The following ARL8A variants were observed in gnomAD, a reference collection of about 807,000 sequenced individuals.
ARL8A encodes the protein ADP-ribosylation factor-like protein 8A.
In ARL8A, 10 loss-of-function variants were observed where a neutral mutation model predicts 31.2. The observed-to-expected ratio is 0.32, with a 90% confidence interval of 0.20 to 0.54. The LOEUF (loss-of-function observed/expected upper bound fraction) is 0.54. Ranked by LOEUF, ARL8A falls within the 20% of genes least tolerant of loss-of-function variation. The pLI, the probability that ARL8A is intolerant of heterozygous loss-of-function variation, is 0.93. For synonymous variants in ARL8A, 70 were observed against 86.9 expected, an observed-to-expected ratio of 0.81 and a Z score of 1.08; for missense variants, 129 against 242.8, an observed-to-expected ratio of 0.53 and a Z score of 3.12.
chr1:202,136,663 G>A (rs1004342955), intron 3 of ARL8A, among the ~76,000 whole-genome samples: 5 of 152,062 alleles, frequency 3.3e-5, no homozygotes, highest in African/African-American at 1.2e-4. Flanking sequence ...TCGGCTTCCT[G>A]GACTCAAGAG....
In ARL8A at chr1:202,135,098, A is replaced by C. The variant is rs978514225; in HGVS notation, c.511+52T>G. 5.2e-6 allele frequency: 8 copies of C among 1,548,772 alleles called. No individual in the cohort carries two copies. The Admixed American group carries it at 1.3e-4, about 26-fold the overall frequency. Reference sequence around the variant, plus strand: ...TGGAGCGAGAACCTGAGAGCCACTAAAACACTCAGAAATGCCTCTCCCCTC... The same window carrying C: ...TGGAGCGAGAACCTGAGAGCCACTACAACACTCAGAAATGCCTCTCCCCTC... On this transcript the variant is annotated intron_variant, in intron 6 of 6. Coordinates refer to ENST00000272217, the MANE Select transcript of ARL8A (RefSeq NM_138795.4). This position sits in a 1 kb window ranked among gnomAD's most constrained non-coding sequence, Gnocchi z 5.3.
Position 202,135,852 on chromosome 1 carries a change from T to C in ARL8A, c.279-52A>G, listed in dbSNP as rs753785044. On this transcript the variant is annotated intron_variant, in intron 3 of 6. Transcript: ENST00000272217. The surrounding 1 kb of genome is among the most constrained non-coding windows in gnomAD (Gnocchi z 5.3). The stretch of plus-strand genomic sequence containing the variant: ...AGCATGTTGACACCACAGGCTGAGG[T>C]GGTGCAAGGAAGAGAAGGAGCTGCT... 1.3e-5 allele frequency: 19 copies of C among 1,511,268 alleles called. No homozygotes were observed. Among genetic ancestry groups the C allele is most frequent in the Non-Finnish European group, 1.6e-5 (17 of 1,087,358 alleles). The allele number at this position is 1,511,268 out of a possible 1,614,324, so 93.6% of individuals were successfully genotyped here. A position where few individuals can be genotyped will look rare whatever the true frequency, so the allele number is the denominator to read the frequency against.
chr1:202,141,535 G>A (rs551462486), intron 1 of ARL8A, among the ~76,000 whole-genome samples: 2 of 151,904 alleles, frequency 1.3e-5, no homozygotes, highest in South Asian at 2.1e-4. Context: ...CCAGCTACTC[G>A]GGAGACTGAG....
At position 202,135,235 on chromosome 1, in the gene ARL8A, A is replaced by G; in HGVS notation, c.441-15T>C. 6.2e-7 allele frequency: 1 copy of G among 1,612,362 alleles called. No homozygotes were observed. Among genetic ancestry groups the G allele is most frequent in the Non-Finnish European group, 8.5e-7 (1 of 1,178,434 alleles). On this transcript the variant is annotated splice_polypyrimidine_tract_variant and intron_variant, in intron 5 of 6. Transcript: ENST00000272217. The surrounding 1 kb of genome is among the most constrained non-coding windows in gnomAD (Gnocchi z 5.3). Reference sequence around the variant, plus strand: ...CAGACAGATTCCTGGGGGAAACCAGAGTAGAGTCCGCTGAGGCTACGAACG... The same window carrying G: ...CAGACAGATTCCTGGGGGAAACCAGGGTAGAGTCCGCTGAGGCTACGAACG...
chr1:202,137,355 G>A (rs894796381), intron 3 of ARL8A, among the ~76,000 whole-genome samples: 6 of 152,070 alleles, frequency 3.9e-5, no homozygotes, highest in African/African-American at 1.2e-4. Context: ...AGCAAGAGAG[G>A]GCTGCGCGCG....
In ARL8A at chr1:202,133,771, C is replaced by G. The variant is rs1300486020; in HGVS notation, c.*696G>C. 1.3e-5 allele frequency: 2 copies of G among 152,096 alleles called. No individual in the cohort carries two copies. Among genetic ancestry groups the G allele is most frequent in the Non-Finnish European group, 2.9e-5 (2 of 68,018 alleles). The allele number at this position is 152,096 out of a possible 1,614,324, so 9.4% of individuals were successfully genotyped here. ...CCCGTGTGCCTGGTGGTTTCTGGTA[C>G]CTGGTCGTCGTACCTGGTGGCTCTA... On this transcript the variant is annotated 3_prime_UTR_variant, in exon 7 of 7. Coordinates refer to ENST00000272217, the MANE Select transcript of ARL8A (RefSeq NM_138795.4).
Position 202,134,596 on chromosome 1 carries a change from A to C in ARL8A, c.512-80T>G. On this transcript the variant is annotated intron_variant, in intron 6 of 6. Transcript: ENST00000272217. This position sits in a 1 kb window ranked among gnomAD's most constrained non-coding sequence, Gnocchi z 4.2. ...GGCAGCAGAGAGGCCCAAGAAACCAAACCTAAGGGTATCAGAAGTCCAGAG... is the reference window on the plus strand; with the variant it reads ...GGCAGCAGAGAGGCCCAAGAAACCACACCTAAGGGTATCAGAAGTCCAGAG... The C allele has an allele frequency of 7.6e-7, 1 of 1,313,590 alleles. No homozygotes were observed. The highest frequency in any genetic ancestry group is 1.1e-6 in the Non-Finnish European group (1 of 907,702). 81.4% of individuals were successfully genotyped at this position (1,313,590 alleles called of 1,614,324 possible).
At position 202,144,233 on chromosome 1, in the gene ARL8A, G is replaced by A. The variant is rs1655241429; in HGVS notation, c.123+217C>T. On this transcript the variant is annotated intron_variant, in intron 1 of 6. Coordinates refer to ENST00000272217, the MANE Select transcript of ARL8A (RefSeq NM_138795.4). This position sits in a 1 kb window ranked among gnomAD's most constrained non-coding sequence, Gnocchi z 5.2. Reference sequence around the variant, plus strand: ...CCCCTGCCCCCAGCCGTGCAGTACCGGCCCGGGTGAGAGAGCGGGTCGCGC... The same window carrying A: ...CCCCTGCCCCCAGCCGTGCAGTACCAGCCCGGGTGAGAGAGCGGGTCGCGC... Among the ~76,000 whole-genome samples the A allele has an allele frequency of 6.6e-6, 1 of 152,066 alleles. No homozygotes were observed. Among genetic ancestry groups the A allele is most frequent in the South Asian group, 2.1e-4 (1 of 4,826 alleles).
At chr1:202,140,135 C>CT (rs148146346) in intron 1 of ARL8A, among the ~76,000 whole-genome samples, 41,223 of 144,972 alleles carry the variant, frequency 0.28, 6,462 homozygotes, top group Middle Eastern at 0.38. Flanking sequence ...CTTTGATTCC[C>CT]TTTTTTTTTT....
At position 202,135,326 on chromosome 1, in the gene ARL8A, G is replaced by C. The variant is rs1176524384; in HGVS notation, c.441-106C>G. The C allele has an allele frequency of 6.9e-7, 1 of 1,447,996 alleles. No homozygotes were observed. Among genetic ancestry groups the C allele is most frequent in the Non-Finnish European group, 9.7e-7 (1 of 1,030,252 alleles). The allele number at this position is 1,447,996 out of a possible 1,614,324, so 89.7% of individuals were successfully genotyped here. A position where few individuals can be genotyped will look rare whatever the true frequency, so the allele number is the denominator to read the frequency against. ...TTACCTAAGAGGCTACAAAGGGGAG[G>C]GTGAGGTGCCTGAAAAGGTCGGCTC... is the stretch of plus-strand genomic sequence containing the variant. On this transcript the variant is annotated intron_variant, in intron 5 of 6. Transcript: ENST00000272217. This position sits in a 1 kb window ranked among gnomAD's most constrained non-coding sequence, Gnocchi z 5.3.
rs536151997 is a variant in ARL8A at position 202,144,588 on chromosome 1, C to T, written c.-16G>A. 11 of 1,405,430 alleles carry T rather than the reference C, an allele frequency of 7.8e-6. No individual in the cohort carries two copies. In the East Asian group the frequency reaches 4.4e-4, roughly 56 times the overall value. 87.1% of individuals were successfully genotyped at this position (1,405,430 alleles called of 1,614,324 possible). On this transcript the variant is annotated 5_prime_UTR_variant, in exon 1 of 7. Coordinates refer to ENST00000272217, the MANE Select transcript of ARL8A (RefSeq NM_138795.4). This position sits in a 1 kb window ranked among gnomAD's most constrained non-coding sequence, Gnocchi z 5.2. ...AAGCGATCATGGTCGCTGCCGCCGG[C>T]CCCGCCCGGTGCCAGGTCCCCGCCG...
chr1:202,137,308 G>A (rs1655037071), intron 3 of ARL8A, among the ~76,000 whole-genome samples: 1 of 152,040 alleles, frequency 6.6e-6, no homozygotes. Context: ...CAGGTGTGTG[G>A]CACCATGCTC....
In ARL8A at chr1:202,135,579, T is replaced by G; in HGVS notation, c.373-53A>C. The stretch of plus-strand genomic sequence containing the variant: ...GTCTAGGGCAGCCGTGCCCAGGTTG[T>G]CTGGGTGGTGAGCTGGCCTCCTGGG... On this transcript the variant is annotated intron_variant, in intron 4 of 6. Transcript: ENST00000272217. The surrounding 1 kb of genome is among the most constrained non-coding windows in gnomAD (Gnocchi z 5.3). The G allele has an allele frequency of 6.2e-7, 1 of 1,601,204 alleles. No homozygotes were observed. Among genetic ancestry groups the G allele is most frequent in the Non-Finnish European group, 8.6e-7 (1 of 1,168,618 alleles).
At chr1:202,137,034 T>A (rs1300237167) in intron 3 of ARL8A, among the ~76,000 whole-genome samples, 2 of 151,996 alleles carry the variant, frequency 1.3e-5, no homozygotes, top group East Asian at 3.9e-4. Flanking sequence ...TTTTTTGTAT[T>A]TTTGGTAGAG....
At chr1:202,140,051 T>C (rs1460303828) in intron 1 of ARL8A, among the ~76,000 whole-genome samples, 1 of 152,136 alleles carries the variant, frequency 6.6e-6, no homozygotes, top group Non-Finnish European at 1.5e-5. Context: ...AGCCAAGATG[T>C]AGGAGATGAT....
rs1405896968 is a variant in ARL8A at position 202,138,500 on chromosome 1, C to A, written c.124-52G>T. ...CAGTGCAAAAATCGATATGCCCCCA[C>A]CGCAGACCAAGAGGCTGCGAGAACC... On this transcript the variant is annotated intron_variant, in intron 1 of 6. Coordinates refer to ENST00000272217, the MANE Select transcript of ARL8A (RefSeq NM_138795.4). This position sits in a 1 kb window ranked among gnomAD's most constrained non-coding sequence, Gnocchi z 4.4. 3 of 1,551,054 alleles carry A rather than the reference C, an allele frequency of 1.9e-6. No individual in the cohort carries two copies. Among genetic ancestry groups the A allele is most frequent in the Non-Finnish European group, 2.7e-6 (3 of 1,123,238 alleles).
chr1:202,136,555 A>G (rs1311925399), intron 3 of ARL8A, among the ~76,000 whole-genome samples: 1 of 152,042 alleles, frequency 6.6e-6, no homozygotes, highest in African/African-American at 2.4e-5. Flanking sequence ...CTGGGATTAC[A>G]GGCATGAGCC....
chr1:202,140,402 A>C (rs1301560136), intron 1 of ARL8A, among the ~76,000 whole-genome samples: 1 of 151,848 alleles, frequency 6.6e-6, no homozygotes, highest in South Asian at 2.1e-4. Context: ...CGGCCTCCCA[A>C]AGTGCTGGGA....
chr1:202,135,615 T>G lies in ARL8A; in HGVS notation c.373-89A>C. ...AGCTGGCCTCCTGGGTCCCGTTTCCTCTCTGCGCCCCTACCATGCCTGGCT... is the reference window on the plus strand; with the variant it reads ...AGCTGGCCTCCTGGGTCCCGTTTCCGCTCTGCGCCCCTACCATGCCTGGCT... On this transcript the variant is annotated intron_variant, in intron 4 of 6. Coordinates refer to ENST00000272217, the MANE Select transcript of ARL8A (RefSeq NM_138795.4). The surrounding 1 kb of genome is among the most constrained non-coding windows in gnomAD (Gnocchi z 5.3). 6.3e-7 allele frequency: 1 copy of G among 1,578,594 alleles called. No homozygotes were observed.
Sources: gnomAD v4.1 joint callset for allele counts (sites outside exome capture counted in the v4.1 genomes callset) on GRCh38, gnomAD v4.1.1 for gene constraint, Gnocchi (gnomAD v3.1) non-coding constraint, MANE v1.5 for transcripts, NCBI Gene and HGNC (gene_info 2026-07-23, HGNC 2026-07-21) for gene names.